The following ZNF483 variants were observed in gnomAD, a reference collection of about 807,000 sequenced individuals.
ZNF483 encodes the protein zinc finger protein 483.
ZNF483 carries 9 observed loss-of-function variants against 28.6 expected under a neutral mutation model. The ratio of observed to expected loss-of-function variants is 0.32; its 90% CI spans 0.19 to 0.55. The LOEUF (loss-of-function observed/expected upper bound fraction) is 0.55, where lower values mean the gene tolerates loss of function less well. Among genes scored for constraint, ZNF483 ranks in the 20% least tolerant of loss-of-function variants. The pLI, the probability that ZNF483 is intolerant of heterozygous loss-of-function variation, is 0.93. For missense variants in ZNF483, 675 were observed against 871.7 expected (o/e 0.77, Z 2.84); for synonymous variants, 322 against 306.2 (o/e 1.05, Z -0.54).
intron 5 of ZNF483, chr9:111,574,785 C>G: frequency 6.2e-7 from 1 of 1,613,926 alleles, no homozygotes; most frequent in Non-Finnish European, 8.5e-7. Context: ...CCACATATGG[C>G]AATCCTTCCA....
intron 5 of ZNF483, among the ~76,000 whole-genome samples, chr9:111,560,729 G>A (rs1439832325): frequency 6.7e-6 from 1 of 148,288 alleles, no homozygotes; most frequent in African/African-American, 2.5e-5. Flanking sequence ...GGATCACAAG[G>A]TCAGGAGTTC....
chr9:111,542,047 C>G lies in ZNF483; in HGVS notation c.1112C>G (p.Ser371Cys). Residue 371 changes from serine to cysteine, a missense_variant, in exon 6 of 6, where the codon TCT becomes TGT. Coordinates refer to ENST00000309235, the MANE Select transcript of ZNF483 (RefSeq NM_133464.5). This position sits in a 1 kb window ranked among gnomAD's most constrained non-coding sequence, Gnocchi z 6.2. ...SNDGGKVLSH[S>C]SALTEHQKRQ... ...GATGGTGGGAAAGTCCTGAGTCACT[C>G]TTCAGCTCTTACTGAACATCAGAAA... is the stretch of plus-strand genomic sequence containing the variant. 6.2e-7 allele frequency: 1 copy of G among 1,614,122 alleles called. No homozygotes were observed. The highest frequency in any genetic ancestry group is 1.6e-4 in the Middle Eastern group (1 of 6,062).
At position 111,547,697 on chromosome 9, in the gene ZNF483, C is replaced by T. The variant is rs542981869; in HGVS notation, c.*4527C>T. ...CTTTTGTTTCCTGTGCTTTTCTGGT[C>T]ATACCCAAGAAACCATGGCCAAATC... On this transcript the variant is annotated 3_prime_UTR_variant, in exon 6 of 6. Coordinates refer to ENST00000309235, the MANE Select transcript of ZNF483 (RefSeq NM_133464.5). Among the ~76,000 whole-genome samples, 1 of 152,208 alleles carries T rather than the reference C, an allele frequency of 6.6e-6. No homozygotes were observed. Among genetic ancestry groups the T allele is most frequent in the African/African-American group, 2.4e-5 (1 of 41,552 alleles).
rs1439046493 is a variant in ZNF483, at chr9:111,554,770, G to A, written c.*11600G>A. Among the ~76,000 whole-genome samples the A allele has an allele frequency of 6.6e-6, 1 of 152,164 alleles. No homozygotes were observed. The highest frequency in any genetic ancestry group is 1.5e-5 in the Non-Finnish European group (1 of 68,032). The stretch of plus-strand genomic sequence containing the variant: ...TTTAAAATTTTGGGGCCAAGATTGA[G>A]GGTAACTGAAACCACGGAAAGTGAA... On this transcript the variant is annotated 3_prime_UTR_variant, in exon 6 of 6. Transcript: ENST00000309235.
intron 5 of ZNF483, among the ~76,000 whole-genome samples, chr9:111,576,119 A>T (rs1829042125): frequency 6.6e-6 from 1 of 151,818 alleles, no homozygotes; most frequent in South Asian, 2.1e-4. Flanking sequence ...GTCATCACAT[A>T]CTGCACTCCA....
chr9:111,566,284 A>G (rs909140468), intron 5 of ZNF483, among the ~76,000 whole-genome samples: 4 of 152,200 alleles, frequency 2.6e-5, no homozygotes, highest in African/African-American at 9.7e-5. Context: ...CACTGGGGAC[A>G]CCAGCACAGT....
In ZNF483 at chr9:111,543,872, A is replaced by T. The variant is rs1453352915; in HGVS notation, c.*702A>T. 1 of 979,424 alleles carries T rather than the reference A, an allele frequency of 1.0e-6. No individual in the cohort carries two copies. The highest frequency in any genetic ancestry group is 1.2e-6 in the Non-Finnish European group (1 of 827,522). The allele number at this position is 979,424 out of a possible 1,614,324, so 60.7% of individuals were successfully genotyped here. A position where few individuals can be genotyped will look rare whatever the true frequency, so the allele number is the denominator to read the frequency against. ...TGGGCTCAAGTGATCCTTCCATCTC[A>T]CTTTCCTGAGTAGCTGACATTACGG... On this transcript the variant is annotated 3_prime_UTR_variant, in exon 6 of 6. Coordinates refer to ENST00000309235, the MANE Select transcript of ZNF483 (RefSeq NM_133464.5).
Position 111,546,857 on chromosome 9 carries a change from G to T in ZNF483, c.*3687G>T, listed in dbSNP as rs1344813064. ...TAACTCCCCATTTTCTCCTCCTCAG[G>T]CTCCTGGTAACCACTGTTCTACTTC... On this transcript the variant is annotated 3_prime_UTR_variant, in exon 6 of 6. Coordinates refer to ENST00000309235, the MANE Select transcript of ZNF483 (RefSeq NM_133464.5). Among the ~76,000 whole-genome samples, 1 of 151,992 alleles carries T rather than the reference G, an allele frequency of 6.6e-6. No individual in the cohort carries two copies. The highest frequency in any genetic ancestry group is 2.4e-5 in the African/African-American group (1 of 41,382).
chr9:111,557,480 C>T (rs1828159195), downstream of ZNF483, among the ~76,000 whole-genome samples: 2 of 151,682 alleles, frequency 1.3e-5, no homozygotes, highest in African/African-American at 4.8e-5. Context: ...GAGTCTCGCT[C>T]TGTCTCTCAG....
chr9:111,570,278 G>GGTCACT (rs1828752845), intron 5 of ZNF483: 1 of 1,536,994 alleles, frequency 6.5e-7, no homozygotes, highest in African/African-American at 1.4e-5. Flanking sequence ...AAGCAGTACA[G>GGTCACT]GTCACTGTCA....
intron 5 of ZNF483, among the ~76,000 whole-genome samples, chr9:111,538,769 A>G (rs1255291281): frequency 1.3e-5 from 2 of 152,120 alleles, no homozygotes; most frequent in African/African-American, 4.8e-5. Flanking sequence ...CACACCAGAG[A>G]AAAAAGTTTT....
intron 5 of ZNF483, among the ~76,000 whole-genome samples, chr9:111,561,525 G>A (rs949462196): frequency 2.6e-5 from 4 of 152,196 alleles, no homozygotes; most frequent in African/African-American, 9.7e-5. Context: ...GCCTCCCAAA[G>A]AGCTGGGATT....
At chr9:111,527,179 T>C (rs972331097) in intron 1 of ZNF483, 89 bp from the exon 2 acceptor site, 1 of 453,164 alleles carries the variant, frequency 2.2e-6, no homozygotes. Context: ...TGTGTGGATA[T>C]ATTTCTCTGA....
chr9:111,574,820 G>A (rs1379482292), intron 5 of ZNF483: 1 of 1,613,710 alleles, frequency 6.2e-7, no homozygotes, highest in African/African-American at 1.3e-5. Flanking sequence ...GCCGATAACA[G>A]TGTTTGAAAA....
chr9:111,541,044 G>A (rs1414706439), intron 5 of ZNF483, among the ~76,000 whole-genome samples: 1 of 149,612 alleles, frequency 6.7e-6, no homozygotes, highest in African/African-American at 2.5e-5. Flanking sequence ...TGCTATCATT[G>A]TTGGAAAGAG....
intron 5 of ZNF483, among the ~76,000 whole-genome samples, chr9:111,565,828 A>T (rs1160820858): frequency 1.3e-5 from 2 of 152,150 alleles, no homozygotes; most frequent in Non-Finnish European, 2.9e-5. Context: ...CCCAGCCTAA[A>T]ACTTTTCTAA....
chr9:111,544,441 T>C lies in ZNF483; in HGVS notation c.*1271T>C. 1.2e-6 allele frequency: 1 copy of C among 851,730 alleles called. No individual in the cohort carries two copies. The highest frequency in any genetic ancestry group is 1.4e-6 in the Non-Finnish European group (1 of 707,672). 52.8% of individuals were successfully genotyped at this position (851,730 alleles called of 1,614,324 possible). On this transcript the variant is annotated 3_prime_UTR_variant, in exon 6 of 6. Coordinates refer to ENST00000309235, the MANE Select transcript of ZNF483 (RefSeq NM_133464.5). ...AAAACAAAGCTTGTCTTAAAAAAAATTATAAGGGCTAACAACACTGGGCTT... is the reference window on the plus strand; with the variant it reads ...AAAACAAAGCTTGTCTTAAAAAAAACTATAAGGGCTAACAACACTGGGCTT...
chr9:111,549,843 G>A lies in ZNF483; in HGVS notation c.*6673G>A. The A allele has an allele frequency of 2.4e-6, 3 of 1,269,730 alleles. No individual in the cohort carries two copies. Among genetic ancestry groups the A allele is most frequent in the Non-Finnish European group, 3.3e-6 (3 of 896,728 alleles). 78.7% of individuals were successfully genotyped at this position (1,269,730 alleles called of 1,614,324 possible). A position where few individuals can be genotyped will look rare whatever the true frequency, so the allele number is the denominator to read the frequency against. ...CATTTAGCTCTTTGAGCATCTTTAA[G>A]GCAGTTGCTTTAAAGTCTGTCTAGT... On this transcript the variant is annotated 3_prime_UTR_variant, in exon 6 of 6. Coordinates refer to ENST00000309235, the MANE Select transcript of ZNF483 (RefSeq NM_133464.5).
chr9:111,572,209 G>C (rs1419442559), intron 5 of ZNF483, among the ~76,000 whole-genome samples: 2 of 152,194 alleles, frequency 1.3e-5, no homozygotes, highest in African/African-American at 2.4e-5. Context: ...AGAAACTAAT[G>C]CAAGAGAATG....
Sources: allele counts gnomAD v4.1 joint callset (sites outside exome capture counted in the v4.1 genomes callset), GRCh38; gene constraint gnomAD v4.1.1; non-coding constraint Gnocchi (gnomAD v3.1); transcripts MANE v1.5; gene names NCBI Gene and HGNC (gene_info 2026-07-23, HGNC 2026-07-21).